IPO7: variants seen among roughly 807,000 people sequenced by gnomAD.
IPO7 encodes the protein importin-7.
IPO7 carries 13 observed loss-of-function variants against 136.4 expected under a neutral mutation model. That is an observed-to-expected ratio of 0.10 (90% CI 0.06 to 0.15). The LOEUF (loss-of-function observed/expected upper bound fraction) is 0.15. IPO7 is among the 10% of genes least tolerant of loss of function. The pLI, the probability that IPO7 is intolerant of heterozygous loss-of-function variation, is 1.00. For synonymous variants in IPO7, 403 were observed against 404.4 expected (o/e 1.00, Z 0.04); for missense variants, 857 against 1,240.6 (o/e 0.69, Z 4.65).
intron 5 of IPO7, 188 bp downstream of exon 5, chr11:9,414,599 C>A: frequency 2.8e-5 from 6 of 210,688 alleles, no homozygotes; most frequent in South Asian, 1.1e-4. Context: ...TCCCCAAATA[C>A]ATAAACAACC....
intron 1 of IPO7, among the ~76,000 whole-genome samples, chr11:9,400,869 G>C (rs1854784262): frequency 6.6e-6 from 1 of 152,100 alleles, no homozygotes; most frequent in South Asian, 2.1e-4. Context: ...TTTGCAGAGT[G>C]GGGTAAAGTC....
In IPO7 at chr11:9,433,632, C is replaced by T. The variant is rs141626151; in HGVS notation, c.1944C>T (p.Val648=). The T allele has an allele frequency of 4.2e-5, 68 of 1,612,788 alleles. No homozygotes were observed. The African/African-American group carries it at 8.0e-4, about 19-fold the overall frequency. ...QVIGTVLQQH[V]LEFYEEIFSL... The stretch of plus-strand genomic sequence containing the variant: ...TTGGTACTGTTTTACAACAGCATGT[C>T]TTAGGTATTATACCTCTGATTGTGC... The change falls in exon 17 of 25, where the codon GTC becomes GTT. Residue 648 remains valine, a synonymous_variant. Transcript: ENST00000379719.
intron 6 of IPO7, among the ~76,000 whole-genome samples, chr11:9,418,451 A>C (rs1057111955): frequency 6.6e-6 from 1 of 152,166 alleles, no homozygotes; most frequent in Non-Finnish European, 1.5e-5. Context: ...TTTTAAACTT[A>C]CACATGGGAG....
intron 1 of IPO7, chr11:9,402,762 A>C (rs886907655): frequency 1.3e-5 from 2 of 155,194 alleles, no homozygotes; most frequent in Non-Finnish European, 2.8e-5. Flanking sequence ...CTGAGGAAGG[A>C]GAATCGCTTG....
chr11:9,391,226 C>T (rs535161978), intron 1 of IPO7, among the ~76,000 whole-genome samples: 7 of 151,650 alleles, frequency 4.6e-5, no homozygotes, highest in South Asian at 2.1e-4. Flanking sequence ...AGTGAAACCC[C>T]GTCTCTACTG....
intron 10 of IPO7, among the ~76,000 whole-genome samples, chr11:9,424,427 G>A (rs11042346): frequency 0.048 from 7,275 of 152,270 alleles, 241 homozygotes; most frequent in South Asian, 0.077. Flanking sequence ...AAAGCTATTA[G>A]GAGGAATTCA....
Position 9,429,031 on chromosome 11 carries a change from G to A in IPO7, c.1426G>A (p.Ala476Thr). The change falls in exon 14 of 25, where the codon GCT (alanine) becomes ACT (threonine). Residue 476 changes from alanine to threonine, a missense_variant and splice_region_variant. By Grantham distance (58) the Ala-to-Thr change is moderately conservative. Coordinates refer to ENST00000379719, the MANE Select transcript of IPO7 (RefSeq NM_006391.3). ...GTAACTCACTGTGTTTTTACAAAAGGCTTGCTGGGTACTTCACTATTTTTG... is the reference window on the plus strand; with the variant it reads ...GTAACTCACTGTGTTTTTACAAAAGACTTGCTGGGTACTTCACTATTTTTG... ...SSELGYMRAR[A>T]CWVLHYFCEV... The A allele has an allele frequency of 6.2e-7, 1 of 1,613,128 alleles. No homozygotes were observed. Among genetic ancestry groups the A allele is most frequent in the Non-Finnish European group, 8.5e-7 (1 of 1,179,352 alleles).
At chr11:9,394,255 G>C (rs1564991135) in intron 1 of IPO7, among the ~76,000 whole-genome samples, 1 of 152,170 alleles carries the variant, frequency 6.6e-6, no homozygotes, top group Non-Finnish European at 1.5e-5. Context: ...TTAGTGAGTG[G>C]AATGCTAGTA....
rs975253070 is a variant in IPO7, at chr11:9,429,249, T to C, written c.1591+53T>C. On this transcript the variant is annotated intron_variant, in intron 14 of 24. Coordinates refer to ENST00000379719, the MANE Select transcript of IPO7 (RefSeq NM_006391.3). ...GTGAATGTTGGCCAGGTGCGGTAGG[T>C]CACACCTGTAATCTTAGCACTTCGG... The C allele has an allele frequency of 2.1e-6, 3 of 1,442,732 alleles. No individual in the cohort carries two copies. The Admixed American group carries it at 5.3e-5, about 25-fold the overall frequency. 89.4% of individuals were successfully genotyped at this position (1,442,732 alleles called of 1,614,324 possible). A position where few individuals can be genotyped will look rare whatever the true frequency, so the allele number is the denominator to read the frequency against.
At chr11:9,435,442 A>G (rs1490972440) in intron 19 of IPO7, among the ~76,000 whole-genome samples, 1 of 152,234 alleles carries the variant, frequency 6.6e-6, no homozygotes, top group East Asian at 1.9e-4. Context: ...TGGGGAAACA[A>G]ATAAACTGGA....
In IPO7 at chr11:9,428,649, T is replaced by A. The variant is rs765020550; in HGVS notation, c.1425+20T>A. 8.5e-6 allele frequency: 11 copies of A among 1,291,730 alleles called. No individual in the cohort carries two copies. Among genetic ancestry groups the A allele is most frequent in the Non-Finnish European group, 1.2e-5 (11 of 893,978 alleles). 80.0% of individuals were successfully genotyped at this position (1,291,730 alleles called of 1,614,324 possible). On this transcript the variant is annotated intron_variant, in intron 13 of 24. Transcript: ENST00000379719. The stretch of plus-strand genomic sequence containing the variant: ...GCAAGGGTATGTTTTAAAGCTGCAT[T>A]ATTTATATACTTTTGTCTTGTAATG...
At chr11:9,428,829 T>C in intron 13 of IPO7, 200 bp downstream of exon 13, 1 of 785,556 alleles carries the variant, frequency 1.3e-6, no homozygotes, top group Non-Finnish European at 2.3e-6. Context: ...GTCTGTGTTT[T>C]TCATTCAGAT....
intron 24 of IPO7, among the ~76,000 whole-genome samples, chr11:9,444,706 G>A (rs1415956165): frequency 2.0e-5 from 3 of 151,838 alleles, no homozygotes; most frequent in Non-Finnish European, 4.4e-5. Flanking sequence ...GTGGTGGCAC[G>A]CACTTGTAGT....
chr11:9,405,844 C>T (rs945936126), intron 2 of IPO7, among the ~76,000 whole-genome samples: 1 of 151,846 alleles, frequency 6.6e-6, no homozygotes, highest in South Asian at 2.1e-4. Context: ...TCCTTTCCCT[C>T]CCTTCCCTTC....
At chr11:9,424,810 G>A in intron 10 of IPO7, 104 bp from the exon 11 acceptor site, 1 of 750,284 alleles carries the variant, frequency 1.3e-6, no homozygotes, top group East Asian at 2.6e-5. Flanking sequence ...ATTATAAAGG[G>A]ATCTGGGATC....
chr11:9,420,732 A>G (rs1337421679), intron 8 of IPO7, 34 bp downstream of exon 8: 2 of 1,384,498 alleles, frequency 1.4e-6, no homozygotes, highest in Non-Finnish European at 2.1e-6. Flanking sequence ...CAGTGGAAAC[A>G]TGGCATCTTT....
chr11:9,413,825 G>A (rs771461286), intron 4 of IPO7, among the ~76,000 whole-genome samples: 8 of 151,268 alleles, frequency 5.3e-5, no homozygotes, highest in Admixed American at 2.6e-4. Flanking sequence ...AATAGTAGCA[G>A]CTGATAAATA....
intron 7 of IPO7, 47 bp downstream of exon 7, chr11:9,420,552 T>G (rs759147748): frequency 2.6e-6 from 4 of 1,555,534 alleles, no homozygotes; most frequent in Non-Finnish European, 3.5e-6. Context: ...ATTAAGGTTT[T>G]GCTTTAAAGT....
At chr11:9,399,486 T>A (rs2133726616) in intron 1 of IPO7, among the ~76,000 whole-genome samples, 1 of 152,284 alleles carries the variant, frequency 6.6e-6, no homozygotes, top group South Asian at 2.1e-4. Flanking sequence ...ATTTTGGGTA[T>A]AGAATTGACA....
Sources: gnomAD v4.1 joint callset for allele counts (sites outside exome capture counted in the v4.1 genomes callset) on GRCh38, gnomAD v4.1.1 for gene constraint, MANE v1.5 for transcripts, NCBI Gene and HGNC (gene_info 2026-07-23, HGNC 2026-07-21) for gene names.